Variants in ANK3 observed in about 807,000 individuals in gnomAD.
ANK3 encodes the protein ankyrin-3.
ANK3 carries 57 observed loss-of-function variants against 370.9 expected under a neutral mutation model. The observed-to-expected ratio is 0.15, with a 90% CI of 0.12 to 0.19. The LOEUF (loss-of-function observed/expected upper bound fraction) is 0.19. Ranked by LOEUF, ANK3 falls within the 10% of genes least tolerant of loss-of-function variation. The probability of loss-of-function intolerance (pLI) is 1.00; values close to 1 mark genes in which losing one functional copy is unlikely to be tolerated. For missense variants in ANK3, 4,439 were observed against 5,302.1 expected (o/e 0.84, Z 5.06); for synonymous variants, 1,929 against 1,946.3 (o/e 0.99, Z 0.23).
intron 2 of ANK3, among the ~76,000 whole-genome samples, chr10:60,528,137 CTTT>C (rs10677013): frequency 9.0e-6 from 1 of 111,054 alleles, no homozygotes; most frequent in South Asian, 3.3e-4. Flanking sequence ...TCTTCTTCTT[CTTT>C]TTTTTTTTTT....
intron 28 of ANK3, among the ~76,000 whole-genome samples, chr10:60,105,019 T>C (rs1445622793): frequency 2.0e-5 from 3 of 152,178 alleles, no homozygotes; most frequent in Non-Finnish European, 4.4e-5. Context: ...CTGGAGACTA[T>C]GCTGAGTGCA....
chr10:60,030,916 G>T (rs545968925), intron 43 of ANK3, among the ~76,000 whole-genome samples: 4 of 152,272 alleles, frequency 2.6e-5, no homozygotes, highest in Middle Eastern at 3.4e-3. Flanking sequence ...TTATTCAGCT[G>T]CTTGGGGAAG....
intron 2 of ANK3, among the ~76,000 whole-genome samples, chr10:60,611,354 G>C (rs2078199077): frequency 6.6e-6 from 1 of 152,164 alleles, no homozygotes; most frequent in African/African-American, 2.4e-5. Flanking sequence ...ATAAATGCCA[G>C]AGGATGCAGT....
intron 2 of ANK3, among the ~76,000 whole-genome samples, chr10:60,555,248 G>C (rs2077180845): frequency 6.6e-6 from 1 of 152,162 alleles, no homozygotes; most frequent in Non-Finnish European, 1.5e-5. Context: ...GAGGCAGGAA[G>C]ATAGCTTGAG....
intron 2 of ANK3, among the ~76,000 whole-genome samples, chr10:60,596,118 T>C (rs1478703772): frequency 1.3e-5 from 2 of 152,122 alleles, no homozygotes; most frequent in African/African-American, 4.8e-5. Flanking sequence ...TTGAGAAATG[T>C]GGATTTTACC....
At chr10:60,090,377 G>A (rs2087961870) in intron 28 of ANK3, among the ~76,000 whole-genome samples, 1 of 151,956 alleles carries the variant, frequency 6.6e-6, no homozygotes, top group South Asian at 2.1e-4. Flanking sequence ...CTTTAGTTAG[G>A]GGAAACTTTC....
At position 60,070,511 on chromosome 10, in the gene ANK3, C is replaced by A. The variant is rs755833235; in HGVS notation, c.10370G>T (p.Arg3457Leu). The A allele has an allele frequency of 4.3e-6, 7 of 1,614,018 alleles. No homozygotes were observed. The highest frequency in any genetic ancestry group is 2.2e-5 in the South Asian group (2 of 91,092). ...TTCAAGTTTACTTTGGCTAAAAGAG[C>A]GGTCAGCTGGCTTCAGAATGCCCTC... ...NTEGILKPAD[R>L]SFSQSKLEVI... The change falls in exon 37 of 44, where the codon CGC (arginine) becomes CTC (leucine). Residue 3457 changes from arginine to leucine, a missense_variant. By Grantham distance (102) the Arg-to-Leu change is moderately radical. This residue lies in a region of ANK3 where 1,601 missense variants were observed against 1,731.7 expected (regional missense o/e 0.92). Coordinates refer to ENST00000280772, the MANE Select transcript of ANK3 (RefSeq NM_020987.5). The surrounding 1 kb of genome is among the most constrained non-coding windows in gnomAD (Gnocchi z 5.7).
intron 2 of ANK3, among the ~76,000 whole-genome samples, chr10:60,538,355 A>G (rs535925901): frequency 6.6e-6 from 1 of 151,862 alleles, no homozygotes; most frequent in Non-Finnish European, 1.5e-5. Flanking sequence ...TTAAAAGCCA[A>G]ATCCTCCCAG....
chr10:60,715,756 G>A (rs933734531), intron 1 of ANK3, among the ~76,000 whole-genome samples: 3 of 152,118 alleles, frequency 2.0e-5, no homozygotes, highest in Non-Finnish European at 4.4e-5. Context: ...TACCATGAAT[G>A]TTACGATTTT....
chr10:60,566,574 A>C (rs1368238900), intron 2 of ANK3, among the ~76,000 whole-genome samples: 1 of 152,200 alleles, frequency 6.6e-6, no homozygotes, highest in Non-Finnish European at 1.5e-5. Context: ...CTGTGGATAG[A>C]TCAAACCAGC....
chr10:60,391,078 C>G, upstream of ANK3, among the ~76,000 whole-genome samples: 1 of 152,182 alleles, frequency 6.6e-6, no homozygotes, highest in East Asian at 1.9e-4. Context: ...TTCCTCTTTT[C>G]CTCTTGTAGG....
At chr10:60,477,064 A>T (rs1468293686) in intron 2 of ANK3, among the ~76,000 whole-genome samples, 1 of 152,142 alleles carries the variant, frequency 6.6e-6, no homozygotes, top group Non-Finnish European at 1.5e-5. Flanking sequence ...TAAGTAAAGC[A>T]TGTGCAATTC....
At chr10:60,302,843 C>CA (rs200380186) in intron 1 of ANK3, among the ~76,000 whole-genome samples, 2,187 of 107,460 alleles carry the variant, frequency 0.02, 36 homozygotes, top group East Asian at 0.048. Flanking sequence ...AAACAAACAA[C>CA]AAAAAAAAAA....
At position 60,140,745 on chromosome 10, in the gene ANK3, C is replaced by G. The variant is rs192380207; in HGVS notation, c.2615-1658G>C. On this transcript the variant is annotated intron_variant, in intron 23 of 43. Transcript: ENST00000280772. ...ACAGAATGGTGACATAAATGCAAGC[C>G]CCTGAGTTATTTGTATGTAAATATG... 1.3e-4 allele frequency: 145 copies of G among 1,105,534 alleles called. 1 individual carries two copies. The African/African-American group carries it at 2.0e-3, about 15-fold the overall frequency. The allele number at this position is 1,105,534 out of a possible 1,614,324, so 68.5% of individuals were successfully genotyped here.
intron 26 of ANK3, among the ~76,000 whole-genome samples, chr10:60,109,790 G>A (rs191999578): frequency 1.3e-5 from 2 of 152,258 alleles, no homozygotes; most frequent in East Asian, 1.9e-4. Context: ...GGAAAAAACT[G>A]TCTGCATGTA....
chr10:60,704,598 G>C (rs948178814), intron 1 of ANK3, among the ~76,000 whole-genome samples: 1 of 152,134 alleles, frequency 6.6e-6, no homozygotes, highest in Non-Finnish European at 1.5e-5. Flanking sequence ...TTTTAATAAC[G>C]TTGTCCTCCT....
intron 1 of ANK3, among the ~76,000 whole-genome samples, chr10:60,326,243 AT>A (rs1245699648): frequency 6.6e-6 from 1 of 152,204 alleles, no homozygotes; most frequent in Non-Finnish European, 1.5e-5. Flanking sequence ...AAGTTTACAT[AT>A]ATAACACACC....
intron 2 of ANK3, among the ~76,000 whole-genome samples, chr10:60,485,965 G>C (rs2075337078): frequency 6.6e-6 from 1 of 151,742 alleles, no homozygotes; most frequent in African/African-American, 2.4e-5. Flanking sequence ...GAAAAATGAA[G>C]GAAAAAAAGC....
intron 2 of ANK3, among the ~76,000 whole-genome samples, chr10:60,559,196 T>C (rs1242414506): frequency 6.6e-6 from 1 of 152,168 alleles, no homozygotes; most frequent in Admixed American, 6.5e-5. Flanking sequence ...ATTTCTGAGA[T>C]GTGGATGTAC....
Sources: allele counts gnomAD v4.1 joint callset (sites outside exome capture counted in the v4.1 genomes callset), GRCh38; gene constraint gnomAD v4.1.1; regional missense constraint gnomAD v4.1.1; non-coding constraint Gnocchi (gnomAD v3.1); transcripts MANE v1.5; gene names NCBI Gene and HGNC (gene_info 2026-07-23, HGNC 2026-07-21).